The following MCF2L2 variants were observed in gnomAD, a reference collection of about 807,000 sequenced individuals.
The protein encoded by MCF2L2 is MCF.2 cell line derived transforming sequence-like 2.
MCF2L2 carries 102 observed loss-of-function variants against 150.2 expected under a neutral mutation model. The ratio of observed to expected loss-of-function variants is 0.68; its 90% CI spans 0.58 to 0.80. The LOEUF is 0.80. Among genes scored for constraint, MCF2L2 ranks in the 30% least tolerant of loss-of-function variants. The pLI is 0.00. For synonymous variants in MCF2L2, 465 were observed against 491.3 expected (o/e 0.95, Z 0.71); for missense variants, 1,256 against 1,372.8 (o/e 0.91, Z 1.34).
chr3:183,261,068 A>G (rs867904659), intron 15 of MCF2L2, among the ~76,000 whole-genome samples: 8 of 152,264 alleles, frequency 5.3e-5, no homozygotes, highest in Admixed American at 6.5e-5. Context: ...TCACCTTAAA[A>G]TGTGAGTTAT....
At chr3:183,250,122 T>C (rs1359812546) in intron 15 of MCF2L2, among the ~76,000 whole-genome samples, 4 of 152,082 alleles carry the variant, frequency 2.6e-5, no homozygotes, top group African/African-American at 7.2e-5. Context: ...CTGGGCTGGG[T>C]CACTGGTGAG....
intron 15 of MCF2L2, chr3:183,272,843 T>C (rs568556719): frequency 1.6e-6 from 2 of 1,249,692 alleles, no homozygotes; most frequent in South Asian, 5.3e-5. Context: ...AACATAAGTG[T>C]CTCTGGCCAT....
In MCF2L2 at chr3:183,351,219, TA is replaced by T. The variant is rs1560034946; in HGVS notation, c.276-9590del. 1.6e-3 allele frequency among the ~76,000 whole-genome samples: 145 copies of T among 91,908 alleles called. 4 individuals carry two copies. Among genetic ancestry groups the T allele is most frequent in the African/African-American group, 4.5e-3 (81 of 17,826 alleles). 60.3% of individuals were successfully genotyped at this position (91,908 alleles called of 152,430 possible). A position where few individuals can be genotyped will look rare whatever the true frequency, so the allele number is the denominator to read the frequency against. ...ATATATATATATATATATATATATA[TA>T]TATATATATATATATATTTATTTAT... is the stretch of plus-strand genomic sequence containing the variant. On this transcript the variant is annotated intron_variant, in intron 3 of 29. Coordinates refer to ENST00000328913, the MANE Select transcript of MCF2L2 (RefSeq NM_015078.4).
Position 183,186,125 on chromosome 3 carries a change from A to C in MCF2L2, c.3017-5966T>G, listed in dbSNP as rs532109770. 5.9e-5 allele frequency among the ~76,000 whole-genome samples: 9 copies of C among 152,294 alleles called. No individual in the cohort carries two copies. The East Asian group carries it at 1.7e-3, about 29-fold the overall frequency. On this transcript the variant is annotated intron_variant, in intron 27 of 29. Coordinates refer to ENST00000328913, the MANE Select transcript of MCF2L2 (RefSeq NM_015078.4). Reference sequence around the variant, plus strand: ...GCCCAAAGATGAGTGGCAGGAGGGAAGGGCAAGCCAATACGTCTAGTTTGG... The same window carrying C: ...GCCCAAAGATGAGTGGCAGGAGGGACGGGCAAGCCAATACGTCTAGTTTGG...
chr3:183,352,705 C>T (rs933762192), intron 3 of MCF2L2, among the ~76,000 whole-genome samples: 1 of 152,160 alleles, frequency 6.6e-6, no homozygotes, highest in African/African-American at 2.4e-5. Context: ...TGCAGAGCAA[C>T]CAATGGCAGG....
intron 1 of MCF2L2, among the ~76,000 whole-genome samples, chr3:183,391,823 G>A (rs1056530220): frequency 6.6e-6 from 1 of 152,174 alleles, no homozygotes; most frequent in African/African-American, 2.4e-5. Flanking sequence ...TCTCCCAGTG[G>A]TCTAGGACAG....
At chr3:183,379,895 A>C (rs748235366) in intron 2 of MCF2L2, among the ~76,000 whole-genome samples, 38 of 151,630 alleles carry the variant, frequency 2.5e-4, no homozygotes, top group Non-Finnish European at 4.6e-4. Context: ...ATGTATGTAT[A>C]TATATAGATA....
At chr3:183,417,382 T>C (rs992930720) in intron 1 of MCF2L2, among the ~76,000 whole-genome samples, 4 of 152,172 alleles carry the variant, frequency 2.6e-5, no homozygotes, top group Admixed American at 2.6e-4. Context: ...ATAAACCCAT[T>C]GTACAGTCAA....
intron 5 of MCF2L2, among the ~76,000 whole-genome samples, chr3:183,332,171 C>G (rs946515757): frequency 1.3e-5 from 2 of 152,152 alleles, no homozygotes; most frequent in African/African-American, 2.4e-5. Context: ...GAAGGCAACA[C>G]GTATTGAGAA....
chr3:183,265,646 C>G (rs1355052957), intron 15 of MCF2L2: 1 of 152,240 alleles, frequency 6.6e-6, no homozygotes, highest in Admixed American at 6.5e-5. Flanking sequence ...GGAAAGGCCT[C>G]CTAGTGACTA....
intron 15 of MCF2L2, among the ~76,000 whole-genome samples, chr3:183,250,401 C>T (rs1018944661): frequency 2.6e-5 from 4 of 151,978 alleles, no homozygotes; most frequent in Non-Finnish European, 5.9e-5. Context: ...GCCTGGCCAA[C>T]ATGGTGAAAC....
Position 183,323,313 on chromosome 3 carries a change from G to A in MCF2L2, c.525C>T (p.Tyr175=), listed in dbSNP as rs756372654. ...CCCGGGTCAGTTGGCTTTTGTCGAT[G>A]TAGCCGTGAAGGTCAGAGACAGAGT... ...MVNSVSDLHG[Y]IDKSQLTREL... is the part of the protein sequence containing the mutation. The change falls in exon 6 of 30, where the codon TAC becomes TAT. Residue 175 remains tyrosine (Y), a synonymous_variant. Transcript: ENST00000328913. 25 of 1,613,780 alleles carry A rather than the reference G, an allele frequency of 1.5e-5. No individual in the cohort carries two copies. In the East Asian group the frequency reaches 5.6e-4, roughly 36 times the overall value.
intron 13 of MCF2L2, among the ~76,000 whole-genome samples, chr3:183,291,160 A>G (rs1657381041): frequency 6.6e-6 from 1 of 152,216 alleles, no homozygotes; most frequent in Admixed American, 6.5e-5. Context: ...TCCAGGCACA[A>G]TAACTAGATG....
intron 3 of MCF2L2, among the ~76,000 whole-genome samples, chr3:183,358,281 G>A (rs1287438191): frequency 6.6e-6 from 1 of 151,680 alleles, no homozygotes; most frequent in Admixed American, 6.6e-5. Flanking sequence ...CAATGAGAGC[G>A]AAACTCTGTC....
chr3:183,218,275 A>C (rs1452672589), intron 21 of MCF2L2, among the ~76,000 whole-genome samples: 1 of 152,234 alleles, frequency 6.6e-6, no homozygotes, highest in East Asian at 1.9e-4. Context: ...ATAATAAAGA[A>C]GCTTCGCTTC....
chr3:183,242,161 T>A (rs1188412669), intron 15 of MCF2L2, among the ~76,000 whole-genome samples: 1 of 152,074 alleles, frequency 6.6e-6, no homozygotes, highest in African/African-American at 2.4e-5. Context: ...AATTGGAACT[T>A]ATGCTCAAAA....
chr3:183,331,860 C>CAAAA (rs1344588484), intron 5 of MCF2L2, among the ~76,000 whole-genome samples: 1 of 152,040 alleles, frequency 6.6e-6, no homozygotes, highest in African/African-American at 2.4e-5. Flanking sequence ...CAGTTTCAAA[C>CAAAA]AAAACAAAAC....
chr3:183,191,483 C>T (rs1310544394), intron 27 of MCF2L2, among the ~76,000 whole-genome samples: 1 of 151,590 alleles, frequency 6.6e-6, no homozygotes, highest in East Asian at 1.9e-4. Flanking sequence ...AGTGGATGCC[C>T]GAAACCGCAG....
chr3:183,338,369 C>T (rs1403965631), intron 5 of MCF2L2, among the ~76,000 whole-genome samples: 3 of 151,302 alleles, frequency 2.0e-5, no homozygotes, highest in African/African-American at 7.3e-5. Flanking sequence ...ATCACTTGAA[C>T]CCGAGAGGCG....
Sources: gnomAD v4.1 joint callset for allele counts (sites outside exome capture counted in the v4.1 genomes callset) on GRCh38, gnomAD v4.1.1 for gene constraint, MANE v1.5 for transcripts, NCBI Gene and HGNC (gene_info 2026-07-23, HGNC 2026-07-21) for gene names.